Variants in TMOD1 observed in about 807,000 individuals in gnomAD.
The protein encoded by TMOD1 is tropomodulin-1.
A neutral mutation model predicts 40.6 loss-of-function variants in TMOD1; 17 were observed. That is an observed-to-expected ratio of 0.42 (90% CI 0.29 to 0.63). The LOEUF (loss-of-function observed/expected upper bound fraction) is 0.63, where lower values mean the gene tolerates loss of function less well. Among genes scored for constraint, TMOD1 ranks in the 20% least tolerant of loss-of-function variants. The pLI is 0.22. For synonymous variants in TMOD1, 181 were observed against 175.0 expected (o/e 1.03, Z -0.27); for missense variants, 391 against 447.6 (o/e 0.87, Z 1.14).
At chr9:97,501,664 G>C (rs946361790), upstream of TMOD1, 2 of 138,032 alleles carry the variant, frequency 1.4e-5, no homozygotes, top group East Asian at 4.9e-4. Context: ...GCGGCCGCCC[G>C]GGAGCTCGTC....
At position 97,571,123 on chromosome 9, in the gene TMOD1, C is replaced by T. The variant is rs1007662272; in HGVS notation, c.870+2086C>T. Among the ~76,000 whole-genome samples the T allele has an allele frequency of 2.0e-5, 3 of 152,186 alleles. No individual in the cohort carries two copies. In the South Asian group the frequency reaches 6.2e-4, roughly 32 times the overall value. ...AGCAGGCTTGGCAGTGGCCCTGGGC[C>T]AGGCCCTGGGATTGGCTACTCATGT... On this transcript the variant is annotated intron_variant, in intron 8 of 9. Transcript: ENST00000259365.
At chr9:97,510,756 G>T (rs1007827981) in intron 1 of TMOD1, among the ~76,000 whole-genome samples, 10 of 152,154 alleles carry the variant, frequency 6.6e-5, no homozygotes, top group African/African-American at 2.4e-4. Context: ...AACTCCCAAA[G>T]AACTCTGATG....
At chr9:97,525,338 G>C (rs1274439994) in intron 2 of TMOD1, among the ~76,000 whole-genome samples, 1 of 152,210 alleles carries the variant, frequency 6.6e-6, no homozygotes, top group African/African-American at 2.4e-5. Context: ...GGGAATAAGA[G>C]AGGGAAAAAG....
intron 7 of TMOD1, among the ~76,000 whole-genome samples, chr9:97,567,654 TGG>T (rs1276494741): frequency 6.6e-6 from 1 of 151,808 alleles, no homozygotes; most frequent in African/African-American, 2.4e-5. Context: ...AAGGTTCTGG[TGG>T]AAGACACAGA....
chr9:97,591,477 A>G, intron 9 of TMOD1, 42 bp downstream of exon 9: 1 of 1,602,096 alleles, frequency 6.2e-7, no homozygotes, highest in Non-Finnish European at 8.5e-7. Flanking sequence ...CAGTCCTGTT[A>G]TTCCCTCCAC....
chr9:97,558,027 C>T (rs117053654), intron 4 of TMOD1, among the ~76,000 whole-genome samples: 2,063 of 152,270 alleles, frequency 0.014, 98 homozygotes, highest in East Asian at 0.12. Context: ...GGGAAAGTTG[C>T]GATTTTGTGC....
intron 3 of TMOD1, 99 bp from the exon 4 acceptor site, chr9:97,553,182 G>A: frequency 7.1e-6 from 11 of 1,552,278 alleles, no homozygotes; most frequent in Non-Finnish European, 8.8e-6. Context: ...AGCATGGAGG[G>A]ACCCACAGGG....
At chr9:97,578,880 G>A (rs1825677584) in intron 8 of TMOD1, among the ~76,000 whole-genome samples, 1 of 152,174 alleles carries the variant, frequency 6.6e-6, no homozygotes, top group Non-Finnish European at 1.5e-5. Context: ...GTTTTAGCAG[G>A]GCATTTGCAG....
chr9:97,574,500 C>T (rs145887111), intron 8 of TMOD1, among the ~76,000 whole-genome samples: 1 of 152,232 alleles, frequency 6.6e-6, no homozygotes, highest in African/African-American at 2.4e-5. Context: ...CCCCGACAAG[C>T]GCCGCCCCCT....
At chr9:97,552,790 G>A (rs77565635) in intron 3 of TMOD1, among the ~76,000 whole-genome samples, 4 of 152,100 alleles carry the variant, frequency 2.6e-5, no homozygotes, top group Admixed American at 1.3e-4. Context: ...GTCCTCATAC[G>A]TACCTCTTTA....
intron 1 of TMOD1, among the ~76,000 whole-genome samples, chr9:97,514,244 G>GC (rs1554753252): frequency 6.0e-4 from 19 of 31,912 alleles, no homozygotes; most frequent in Non-Finnish European, 1.5e-3. Context: ...TTTTTTTGGG[G>GC]GGGGGGTTGT....
At chr9:97,504,885 C>T (rs1027693132) in intron 1 of TMOD1, among the ~76,000 whole-genome samples, 4 of 152,166 alleles carry the variant, frequency 2.6e-5, no homozygotes, top group East Asian at 1.9e-4. Flanking sequence ...GTTTACTTTT[C>T]CCTTAAAGCC....
intron 8 of TMOD1, among the ~76,000 whole-genome samples, chr9:97,582,408 T>C (rs536110589): frequency 3.4e-5 from 5 of 149,002 alleles, no homozygotes; most frequent in East Asian, 2.0e-4. Context: ...TGTAGCCTTA[T>C]AGTATAGTTT....
At chr9:97,512,332 G>A (rs1308469884) in intron 1 of TMOD1, among the ~76,000 whole-genome samples, 1 of 152,196 alleles carries the variant, frequency 6.6e-6, no homozygotes, top group African/African-American at 2.4e-5. Flanking sequence ...ATGTAAAATT[G>A]TAAAATTACT....
rs1165613745 is a variant in TMOD1 at position 97,582,909 on chromosome 9, A to G, written c.871-8382A>G. 3.7e-3 allele frequency among the ~76,000 whole-genome samples: 553 copies of G among 151,050 alleles called. 3 individuals carry two copies. Among genetic ancestry groups the G allele is most frequent in the Non-Finnish European group, 4.7e-3 (321 of 67,974 alleles). ...CTTAAGGAGATTTTGGGCTGAGACA[A>G]TGGGGTTTTCTAGAAATACAATCAT... On this transcript the variant is annotated intron_variant, in intron 8 of 9. Coordinates refer to ENST00000259365, the MANE Select transcript of TMOD1 (RefSeq NM_003275.4).
intron 1 of TMOD1, among the ~76,000 whole-genome samples, chr9:97,515,385 T>C (rs1171848286): frequency 6.6e-6 from 1 of 151,984 alleles, no homozygotes; most frequent in Non-Finnish European, 1.5e-5. Flanking sequence ...GCTCAAGCAA[T>C]CCTCCCACCT....
chr9:97,569,080 G>A, intron 8 of TMOD1, 43 bp downstream of exon 8: 12 of 1,605,376 alleles, frequency 7.5e-6, no homozygotes, highest in Non-Finnish European at 1.0e-5. Context: ...ACTACATGCA[G>A]CTCGCTGGCC....
chr9:97,578,994 C>T (rs757593309), intron 8 of TMOD1, among the ~76,000 whole-genome samples: 15 of 152,186 alleles, frequency 9.9e-5, no homozygotes, highest in Non-Finnish European at 2.1e-4. Flanking sequence ...GTGCCATCTC[C>T]AGGCCAAAAC....
chr9:97,593,869 G>A (rs1266967765), intron 9 of TMOD1, among the ~76,000 whole-genome samples: 1 of 152,034 alleles, frequency 6.6e-6, no homozygotes, highest in Non-Finnish European at 1.5e-5. Context: ...GATCTAAAAG[G>A]ATTGGAGGAA....
Sources: gnomAD v4.1 joint callset for allele counts (sites outside exome capture counted in the v4.1 genomes callset) on GRCh38, gnomAD v4.1.1 for gene constraint, MANE v1.5 for transcripts, NCBI Gene and HGNC (gene_info 2026-07-23, HGNC 2026-07-21) for gene names.